Variants in TRIO observed in about 807,000 individuals in gnomAD.
The protein encoded by TRIO is triple functional domain protein.
TRIO carries 58 observed loss-of-function variants against 351.9 expected under a neutral mutation model. The ratio of observed to expected loss-of-function variants is 0.16; its 90% CI spans 0.13 to 0.21. The LOEUF (loss-of-function observed/expected upper bound fraction) is 0.21. Ranked by LOEUF, TRIO falls within the 10% of genes least tolerant of loss-of-function variation. TRIO has a pLI of 1.00. For missense variants in TRIO, 3,201 were observed against 4,027.8 expected (o/e 0.79, Z 5.56); for synonymous variants, 1,758 against 1,595.7 (o/e 1.10, Z -2.42).
intron 33 of TRIO, among the ~76,000 whole-genome samples, chr5:14,417,627 G>T (rs1165422081): frequency 2.0e-5 from 3 of 152,162 alleles, no homozygotes; most frequent in Non-Finnish European, 2.9e-5. Context: ...CCCACAGCCA[G>T]CCCCATAGCC....
intron 1 of TRIO, among the ~76,000 whole-genome samples, chr5:14,264,872 C>T (rs1795574839): frequency 6.6e-6 from 1 of 152,204 alleles, no homozygotes; most frequent in South Asian, 2.1e-4. Flanking sequence ...GCAGATTTAT[C>T]ACTCTTCTCT....
intron 8 of TRIO, among the ~76,000 whole-genome samples, chr5:14,308,719 G>GTCCATCCA (rs56135752): frequency 0.068 from 8,452 of 124,874 alleles, 277 homozygotes; most frequent in African/African-American, 0.091. Context: ...CCATTCATTT[G>GTCCATCCA]TCCATCCATC....
chr5:14,307,029 A>G (rs950808483), intron 8 of TRIO, among the ~76,000 whole-genome samples: 2 of 152,352 alleles, frequency 1.3e-5, no homozygotes, highest in Non-Finnish European at 2.9e-5. Flanking sequence ...AGTAATTTGA[A>G]CTGGATGAAC....
Position 14,381,175 on chromosome 5 carries a change from C to T in TRIO, c.3493C>T (p.His1165Tyr). Reference sequence around the variant, plus strand: ...CAATGGCGAGTTCTACCTTTCCACACACACCTCCACGGGCTCCAGTATACA... The same window carrying T: ...CAATGGCGAGTTCTACCTTTCCACATACACCTCCACGGGCTCCAGTATACA... ...HDNGEFYLST[H>Y]TSTGSSIQHT... The change falls in exon 21 of 57, where the codon CAC becomes TAC. Residue 1165 changes from histidine to tyrosine, a missense_variant. By Grantham distance (83) the His-to-Tyr change is moderately conservative (BLOSUM62 2). This residue lies in a region of TRIO where 201 missense variants were observed against 266.5 expected (regional missense o/e 0.75). Coordinates refer to ENST00000344204, the MANE Select transcript of TRIO (RefSeq NM_007118.4). The T allele has an allele frequency of 6.2e-7, 1 of 1,614,140 alleles. No homozygotes were observed.
intron 1 of TRIO, among the ~76,000 whole-genome samples, chr5:14,253,015 A>G (rs1033888781): frequency 6.6e-6 from 1 of 152,222 alleles, no homozygotes; most frequent in African/African-American, 2.4e-5. Flanking sequence ...CATTCATTTA[A>G]CCAGGGAAAT....
chr5:14,150,564 A>G (rs1787771881), intron 1 of TRIO, among the ~76,000 whole-genome samples: 1 of 152,168 alleles, frequency 6.6e-6, no homozygotes, highest in African/African-American at 2.4e-5. Context: ...CCTCAAATCA[A>G]TTAAGACAAG....
chr5:14,481,186 G>C (rs1755484544), intron 43 of TRIO, 48 bp from the exon 44 acceptor site: 1 of 1,572,462 alleles, frequency 6.4e-7, no homozygotes, highest in Non-Finnish European at 8.6e-7. Flanking sequence ...AAGGTCAGCT[G>C]CTGTTGTCTT....
chr5:14,446,040 C>T (rs1752412376), intron 34 of TRIO, among the ~76,000 whole-genome samples: 1 of 152,218 alleles, frequency 6.6e-6, no homozygotes, highest in African/African-American at 2.4e-5. Context: ...AGGACAAGAT[C>T]CGTGCTGTTA....
intron 7 of TRIO, among the ~76,000 whole-genome samples, chr5:14,301,185 A>G (rs1737849273): frequency 6.6e-6 from 1 of 152,090 alleles, no homozygotes; most frequent in Non-Finnish European, 1.5e-5. Flanking sequence ...AGCTATGTAT[A>G]TGAATCACTG....
chr5:14,297,957 C>A (rs1458452528), intron 7 of TRIO, among the ~76,000 whole-genome samples: 1 of 152,188 alleles, frequency 6.6e-6, no homozygotes, highest in East Asian at 1.9e-4. Context: ...GCCCCGCCCC[C>A]AGCACATTTC....
At chr5:14,404,134 G>T (rs1748503267) in intron 31 of TRIO, among the ~76,000 whole-genome samples, 2 of 151,894 alleles carry the variant, frequency 1.3e-5, no homozygotes, top group Admixed American at 1.3e-4. Flanking sequence ...CGTGCTGCTG[G>T]TGTGTGTGCT....
chr5:14,231,292 G>A (rs557131274), intron 1 of TRIO, among the ~76,000 whole-genome samples: 4 of 152,208 alleles, frequency 2.6e-5, no homozygotes, highest in Non-Finnish European at 5.9e-5. Flanking sequence ...TGGAGGGGGT[G>A]TTACTACTGT....
intron 1 of TRIO, among the ~76,000 whole-genome samples, chr5:14,155,563 C>T (rs1263114060): frequency 6.6e-6 from 1 of 152,214 alleles, no homozygotes; most frequent in African/African-American, 2.4e-5. Context: ...GGAACATCTC[C>T]TCAGCCTGTC....
intron 27 of TRIO, among the ~76,000 whole-genome samples, chr5:14,393,056 GAAAAA>G (rs550792228): frequency 1.0e-5 from 1 of 96,966 alleles, no homozygotes; most frequent in Non-Finnish European, 2.5e-5. Flanking sequence ...CAAAAAGAAA[GAAAAA>G]AAAAAAAAAA....
At position 14,510,104 on chromosome 5, in the gene TRIO, A is replaced by G. The variant is rs1262462839; in HGVS notation, c.*1682A>G. The G allele has an allele frequency of 6.6e-6, 1 of 152,170 alleles. No individual in the cohort carries two copies. The highest frequency in any genetic ancestry group is 1.5e-5 in the Non-Finnish European group (1 of 68,050). The allele number at this position is 152,170 out of a possible 1,614,324, so 9.4% of individuals were successfully genotyped here. ...AATTTTTACATTATTTTGCATGTAT[A>G]TTTCTTTGTACAGAGACCTTACATG... On this transcript the variant is annotated 3_prime_UTR_variant, in exon 57 of 57. Coordinates refer to ENST00000344204, the MANE Select transcript of TRIO (RefSeq NM_007118.4).
rs376168078 is a variant in TRIO at position 14,471,859 on chromosome 5, A to G, written c.5912+393A>G. Among the ~76,000 whole-genome samples the G allele has an allele frequency of 3.2e-4, 48 of 152,272 alleles. No individual in the cohort carries two copies. In the East Asian group the frequency reaches 5.2e-3, roughly 17 times the overall value. ...GGTTTCTCAATGCCAGTAAAGCAGC[A>G]TATGGTGAAAAGAGTCCTGAAAAAT... is the stretch of plus-strand genomic sequence containing the variant. On this transcript the variant is annotated intron_variant, in intron 38 of 56. Transcript: ENST00000344204.
chr5:14,395,328 A>G (rs576669728), intron 28 of TRIO, among the ~76,000 whole-genome samples: 1 of 152,346 alleles, frequency 6.6e-6, no homozygotes, highest in African/African-American at 2.4e-5. Context: ...ATTTGTTCAT[A>G]TTCAAATTTG....
chr5:14,397,328 T>C (rs1287340143), intron 29 of TRIO, 174 bp downstream of exon 29: 9 of 582,498 alleles, frequency 1.5e-5, no homozygotes, highest in South Asian at 2.2e-5. Context: ...AAAATGTTTC[T>C]ATACTCATTG....
At chr5:14,406,913 C>A (rs1748770810) in intron 33 of TRIO, among the ~76,000 whole-genome samples, 1 of 152,100 alleles carries the variant, frequency 6.6e-6, no homozygotes, top group South Asian at 2.1e-4. Context: ...TTTGCCAGTG[C>A]CAAGGGTGTT....
Sources: allele counts gnomAD v4.1 joint callset (sites outside exome capture counted in the v4.1 genomes callset), GRCh38; gene constraint gnomAD v4.1.1; regional missense constraint gnomAD v4.1.1; transcripts MANE v1.5; gene names NCBI Gene and HGNC (gene_info 2026-07-23, HGNC 2026-07-21).